The following ROBO2 variants were observed in gnomAD, a reference collection of about 807,000 sequenced individuals.
ROBO2 encodes roundabout homolog 2.
In ROBO2, 53 loss-of-function variants were observed where a neutral mutation model predicts 160.8. That is an observed-to-expected ratio of 0.33 (90% CI 0.26 to 0.41). The LOEUF is 0.41. Ranked by LOEUF, ROBO2 falls within the 10% of genes least tolerant of loss-of-function variation. The pLI is 1.00. For synonymous variants in ROBO2, 664 were observed against 611.7 expected, an observed-to-expected ratio of 1.09 and a Z score of -1.26; for missense variants, 1,577 against 1,722.4, an observed-to-expected ratio of 0.92 and a Z score of 1.49.
chr3:77,195,203 G>A (rs1156992142), intron 2 of ROBO2, among the ~76,000 whole-genome samples: 1 of 151,988 alleles, frequency 6.6e-6, no homozygotes, highest in Non-Finnish European at 1.5e-5. Flanking sequence ...TTTGCCATAT[G>A]AGCAATTTGT....
chr3:76,272,746 T>TATAAAATATATAAAATATATATATAAA (rs1707531227), intron 2 of ROBO2, among the ~76,000 whole-genome samples: 2 of 85,128 alleles, frequency 2.3e-5, no homozygotes, highest in African/African-American at 8.0e-5. Context: ...ATATATTCTC[T>TATAAAATATATAAAATATATATATAAA]ATATATAAAT....
chr3:77,298,248 C>A (rs1362228097), intron 2 of ROBO2, among the ~76,000 whole-genome samples: 1 of 152,118 alleles, frequency 6.6e-6, no homozygotes, highest in African/African-American at 2.4e-5. Flanking sequence ...CACCAACTAA[C>A]ACCAGGAAAC....
intron 2 of ROBO2, among the ~76,000 whole-genome samples, chr3:76,381,523 G>A (rs757471007): frequency 3.3e-5 from 5 of 151,894 alleles, no homozygotes; most frequent in Non-Finnish European, 5.9e-5. Context: ...CTTATTTTTT[G>A]TATTTTTAAT....
intron 6 of ROBO2, among the ~76,000 whole-genome samples, chr3:77,536,922 C>G (rs1168120373): frequency 6.6e-6 from 1 of 152,008 alleles, no homozygotes; most frequent in Admixed American, 6.5e-5. Flanking sequence ...TCTAAAAATG[C>G]AAGACATTTT....
intron 2 of ROBO2, among the ~76,000 whole-genome samples, chr3:76,066,839 ATAAT>A (rs904690731): frequency 6.6e-6 from 1 of 152,054 alleles, no homozygotes; most frequent in African/African-American, 2.4e-5. Flanking sequence ...ATATTAAAAG[ATAAT>A]TAAACTGATA....
chr3:77,122,450 T>C (rs2074874170), intron 2 of ROBO2, among the ~76,000 whole-genome samples: 1 of 152,196 alleles, frequency 6.6e-6, no homozygotes, highest in Non-Finnish European at 1.5e-5. Context: ...GGCAAAGAGC[T>C]GAGGTTATAA....
chr3:77,538,252 C>T (rs1190399394), intron 6 of ROBO2, among the ~76,000 whole-genome samples: 1 of 141,428 alleles, frequency 7.1e-6, no homozygotes, highest in African/African-American at 2.6e-5. Context: ...GATCTCGGCT[C>T]ACTGCAAGCT....
intron 2 of ROBO2, among the ~76,000 whole-genome samples, chr3:76,860,756 T>C (rs772794197): frequency 6.7e-6 from 1 of 149,466 alleles, no homozygotes; most frequent in Non-Finnish European, 1.5e-5. Context: ...GTCTCTAAGA[T>C]TTAACAACAA....
At chr3:76,539,810 G>A (rs1254325312) in intron 2 of ROBO2, among the ~76,000 whole-genome samples, 2 of 152,156 alleles carry the variant, frequency 1.3e-5, no homozygotes, top group Non-Finnish European at 2.9e-5. Context: ...AATCAGACCA[G>A]TGATCCAGAA....
intron 2 of ROBO2, among the ~76,000 whole-genome samples, chr3:76,450,497 A>G (rs2077419890): frequency 2.0e-5 from 3 of 152,156 alleles, no homozygotes; most frequent in Admixed American, 2.0e-4. Context: ...TATTATTTGT[A>G]AAAATGTGGA....
At chr3:76,952,288 TA>T (rs1272697820) in intron 2 of ROBO2, among the ~76,000 whole-genome samples, 7 of 152,182 alleles carry the variant, frequency 4.6e-5, no homozygotes, top group Admixed American at 2.6e-4. Flanking sequence ...TTTTTATTTT[TA>T]TTTTTTTTTT....
intron 2 of ROBO2, among the ~76,000 whole-genome samples, chr3:76,304,057 A>G (rs1259718753): frequency 6.6e-6 from 1 of 152,252 alleles, no homozygotes; most frequent in East Asian, 1.9e-4. Context: ...TCAATTAACC[A>G]GAGTTAATTC....
intron 2 of ROBO2, among the ~76,000 whole-genome samples, chr3:76,058,984 AT>A (rs2067966244): frequency 1.3e-5 from 2 of 150,770 alleles, no homozygotes; most frequent in Non-Finnish European, 3.0e-5. Context: ...TGAACTCATC[AT>A]TTTTTATGGC....
chr3:76,397,178 C>T (rs1237311526), intron 2 of ROBO2, among the ~76,000 whole-genome samples: 1 of 152,122 alleles, frequency 6.6e-6, no homozygotes, highest in African/African-American at 2.4e-5. Flanking sequence ...CCCATATCTA[C>T]AACTATCTGA....
chr3:77,565,067 A>G (rs1380097825), exon 12 of ROBO2: 3 of 1,613,666 alleles, frequency 1.9e-6, no homozygotes, highest in Middle Eastern at 1.7e-4. Context: ...AGAGCGATCA[A>G]CCCCCAAGGT....
rs1326319007 is a variant in ROBO2, at chr3:77,109,458, C to T, written c.388+11118C>T. On this transcript the variant is annotated intron_variant, in intron 2 of 25. Transcript: ENST00000461745. The stretch of plus-strand genomic sequence containing the variant: ...ACAAAAACCAAGGCATGGCTCTTGC[C>T]ATCAAAGAACATTCAATAGGATGGT... Among the ~76,000 whole-genome samples the T allele has an allele frequency of 2.6e-5, 4 of 152,076 alleles. No homozygotes were observed. In the East Asian group the frequency reaches 5.8e-4, roughly 22 times the overall value.
At chr3:76,469,917 A>G (rs2078566425) in intron 2 of ROBO2, among the ~76,000 whole-genome samples, 1 of 152,144 alleles carries the variant, frequency 6.6e-6, no homozygotes, top group South Asian at 2.1e-4. Flanking sequence ...AGATATCAGG[A>G]TTCAATACAC....
chr3:76,847,685 G>A (rs141414429), intron 2 of ROBO2, among the ~76,000 whole-genome samples: 1 of 152,042 alleles, frequency 6.6e-6, no homozygotes, highest in Non-Finnish European at 1.5e-5. Context: ...CTGAAAGGTG[G>A]TATTCCCCTT....
At chr3:77,416,476 T>TA (rs1198241069) in intron 2 of ROBO2, among the ~76,000 whole-genome samples, 1 of 151,970 alleles carries the variant, frequency 6.6e-6, no homozygotes, top group African/African-American at 2.4e-5. Context: ...CCCAGCACTT[T>TA]AGGAGACTGA....
Sources: gnomAD v4.1 joint callset for allele counts (sites outside exome capture counted in the v4.1 genomes callset) on GRCh38, gnomAD v4.1.1 for gene constraint, MANE v1.5 for transcripts, NCBI Gene and HGNC (gene_info 2026-07-23, HGNC 2026-07-21) for gene names.